The following ITPR2 variants were observed in gnomAD, a reference collection of about 807,000 sequenced individuals.
ITPR2 encodes the protein inositol 1,4,5-trisphosphate-gated calcium channel ITPR2.
A neutral mutation model predicts 317.1 loss-of-function variants in ITPR2; 207 were observed. The observed-to-expected ratio is 0.65, with a 90% CI of 0.58 to 0.73. The LOEUF is 0.73. Among genes scored for constraint, ITPR2 ranks in the 30% least tolerant of loss-of-function variants. The pLI, the probability that ITPR2 is intolerant of heterozygous loss-of-function variation, is 0.00. For synonymous variants in ITPR2, 1,156 were observed against 1,149.1 expected, an observed-to-expected ratio of 1.01 and a Z score of -0.12; for missense variants, 2,613 against 3,284.0, an observed-to-expected ratio of 0.80 and a Z score of 4.99.
chr12:26,541,324 A>C (rs115425731), intron 37 of ITPR2, among the ~76,000 whole-genome samples: 14,609 of 152,062 alleles, frequency 0.096, 956 homozygotes, highest in African/African-American at 0.18. Context: ...TCTCAAAAAA[A>C]TAAAATAAAA....
intron 51 of ITPR2, 80 bp from the exon 52 acceptor site, chr12:26,411,492 G>A: frequency 2.2e-6 from 2 of 923,942 alleles, no homozygotes; most frequent in Non-Finnish European, 1.7e-6. Flanking sequence ...CTAAAGATAT[G>A]TAAATTAAAG....
At position 26,481,267 on chromosome 12, in the gene ITPR2, A is replaced by G. The variant is rs751595043; in HGVS notation, c.6013-26T>C. The G allele has an allele frequency of 3.0e-6, 4 of 1,316,098 alleles. No homozygotes were observed. The African/African-American group carries it at 4.4e-5, about 14-fold the overall frequency. 81.5% of individuals were successfully genotyped at this position (1,316,098 alleles called of 1,614,324 possible). A position where few individuals can be genotyped will look rare whatever the true frequency, so the allele number is the denominator to read the frequency against. On this transcript the variant is annotated intron_variant, in intron 42 of 56. Transcript: ENST00000381340. ...CTAGAAAACAAAATATTTGTAAAAT[A>G]TCATTTTATTCACAACAGAATAGCA...
At chr12:26,518,501 A>G (rs1346725355) in intron 37 of ITPR2, among the ~76,000 whole-genome samples, 1 of 152,052 alleles carries the variant, frequency 6.6e-6, no homozygotes, top group East Asian at 1.9e-4. Context: ...AAACACATGT[A>G]CCCCCGAACC....
chr12:26,618,313 T>G (rs2136794698), intron 26 of ITPR2, among the ~76,000 whole-genome samples: 1 of 152,334 alleles, frequency 6.6e-6, no homozygotes, highest in South Asian at 2.1e-4. Context: ...TTACCTGACT[T>G]GAAGTGAATG....
At chr12:26,373,144 ACTC>A (rs1414993262) in intron 55 of ITPR2, among the ~76,000 whole-genome samples, 1 of 152,044 alleles carries the variant, frequency 6.6e-6, no homozygotes, top group African/African-American at 2.4e-5. Context: ...CCACTCTAAA[ACTC>A]CTGTCCCAGT....
intron 23 of ITPR2, among the ~76,000 whole-genome samples, chr12:26,624,701 C>A (rs986232120): frequency 1.4e-5 from 2 of 147,876 alleles, no homozygotes; most frequent in Non-Finnish European, 3.0e-5. Flanking sequence ...AATTTGGAGA[C>A]AAGGGAACCC....
intron 1 of ITPR2, among the ~76,000 whole-genome samples, chr12:26,829,965 G>A (rs1046969135): frequency 4.6e-5 from 7 of 152,132 alleles, no homozygotes; most frequent in South Asian, 2.1e-4. Context: ...GTGCAGTGGC[G>A]CAATCTCAGC....
chr12:26,485,969 T>C (rs1942655260), intron 41 of ITPR2, 135 bp downstream of exon 41: 1 of 952,378 alleles, frequency 1.0e-6, no homozygotes, highest in Admixed American at 2.4e-5. Context: ...TTCTTCCCAT[T>C]TCAGAGGAGC....
chr12:26,655,652 C>T, intron 20 of ITPR2, 56 bp downstream of exon 20: 1 of 1,224,814 alleles, frequency 8.2e-7, no homozygotes, highest in Non-Finnish European at 1.2e-6. Flanking sequence ...ATAATACCTT[C>T]ATGAACTAAA....
At chr12:26,782,027 TATATATGTATAGAGAGAGAG>T (rs1950099462) in intron 2 of ITPR2, among the ~76,000 whole-genome samples, 1 of 26,286 alleles carries the variant, frequency 3.8e-5, no homozygotes, top group East Asian at 1.3e-3. Flanking sequence ...TATATATATA[TATATATGTATAGAGAGAGAG>T]AGAGAGAGAG....
intron 37 of ITPR2, among the ~76,000 whole-genome samples, chr12:26,514,855 G>A (rs765776626): frequency 2.0e-5 from 3 of 152,276 alleles, no homozygotes; most frequent in Non-Finnish European, 2.9e-5. Context: ...ATTAAAATTT[G>A]TATTGTAGCT....
At chr12:26,735,984 AG>A (rs1409426367) in intron 2 of ITPR2, among the ~76,000 whole-genome samples, 1 of 152,190 alleles carries the variant, frequency 6.6e-6, no homozygotes, top group Non-Finnish European at 1.5e-5. Context: ...GCTTCCTATT[AG>A]ATAACATGTT....
At chr12:26,578,857 A>G in intron 33 of ITPR2, 24 bp from the exon 34 acceptor site, 1 of 1,588,726 alleles carries the variant, frequency 6.3e-7, no homozygotes, top group Non-Finnish European at 8.6e-7. Flanking sequence ...GAAGGTAGGC[A>G]AAAAGAGATG....
At chr12:26,627,015 A>T (rs1946636314) in intron 23 of ITPR2, among the ~76,000 whole-genome samples, 1 of 152,198 alleles carries the variant, frequency 6.6e-6, no homozygotes, top group Admixed American at 6.5e-5. Context: ...TAGTCACAAA[A>T]TTTTTACAAT....
intron 26 of ITPR2, among the ~76,000 whole-genome samples, chr12:26,603,414 T>C (rs1193107625): frequency 6.6e-6 from 1 of 152,204 alleles, no homozygotes; most frequent in African/African-American, 2.4e-5. Flanking sequence ...CATCAACTAC[T>C]GGCGTCACCT....
intron 54 of ITPR2, among the ~76,000 whole-genome samples, chr12:26,397,117 G>T (rs547236270): frequency 1.3e-5 from 2 of 152,064 alleles, no homozygotes; most frequent in East Asian, 1.9e-4. Context: ...AGACCCTGCA[G>T]TGTTCTACTT....
intron 31 of ITPR2, among the ~76,000 whole-genome samples, 155 bp downstream of exon 31, chr12:26,596,728 C>T (rs777320453): frequency 6.6e-6 from 1 of 151,568 alleles, no homozygotes; most frequent in Admixed American, 6.6e-5. Flanking sequence ...CTTCTATGCT[C>T]TTTTACATTT....
chr12:26,521,436 G>T (rs1943662895), intron 37 of ITPR2, among the ~76,000 whole-genome samples: 2 of 152,058 alleles, frequency 1.3e-5, no homozygotes, highest in Admixed American at 6.6e-5. Flanking sequence ...GAAAATACAT[G>T]TTCTGCAAAG....
At chr12:26,571,907 C>T (rs1367878757) in intron 34 of ITPR2, among the ~76,000 whole-genome samples, 1 of 152,140 alleles carries the variant, frequency 6.6e-6, no homozygotes, top group African/African-American at 2.4e-5. Flanking sequence ...ATTTTTGATG[C>T]TAGATGAGTT....
Sources: gnomAD v4.1 joint callset for allele counts (sites outside exome capture counted in the v4.1 genomes callset) on GRCh38, gnomAD v4.1.1 for gene constraint, MANE v1.5 for transcripts, NCBI Gene and HGNC (gene_info 2026-07-23, HGNC 2026-07-21) for gene names.